The following RGPD3 variants were observed in gnomAD, a reference collection of about 807,000 sequenced individuals.
RGPD3 encodes RANBP2 like and GRIP domain containing 3.
RGPD3 carries 62 observed loss-of-function variants against 154.5 expected under a neutral mutation model. That is an observed-to-expected ratio of 0.40 (90% CI 0.33 to 0.50). The LOEUF is 0.50. Among genes scored for constraint, RGPD3 ranks in the 20% least tolerant of loss-of-function variants. RGPD3 has a pLI of 0.59. For synonymous variants in RGPD3, 308 were observed against 607.0 expected (o/e 0.51, Z 7.24); for missense variants, 919 against 1,716.8 (o/e 0.54, Z 8.21).
At chr2:106,412,909 T>G (rs4271763) in intron 22 of RGPD3, 175 bp downstream of exon 22, 467,266 of 608,964 alleles carry the variant, frequency 0.77, 190,892 homozygotes, top group East Asian at 1. Context: ...ATGTACTACA[T>G]TTGCCTCAAG....
At chr2:106,422,039 T>G (rs985645218) in intron 20 of RGPD3, among the ~76,000 whole-genome samples, 2 of 152,086 alleles carry the variant, frequency 1.3e-5, no homozygotes, top group African/African-American at 4.8e-5. Context: ...TGCTAAAAAC[T>G]GCTGTTATCT....
intron 7 of RGPD3, among the ~76,000 whole-genome samples, chr2:106,441,710 AC>A (rs918805653): frequency 2.0e-5 from 3 of 150,728 alleles, no homozygotes; most frequent in African/African-American, 7.3e-5. Context: ...AAAAAAAAAA[AC>A]AAAGAGCCAG....
At chr2:106,467,704 G>A (rs1261560746) in intron 1 of RGPD3, among the ~76,000 whole-genome samples, 22 of 140,130 alleles carry the variant, frequency 1.6e-4, no homozygotes, top group African/African-American at 4.9e-4. Context: ...GGCAGCCGCC[G>A]GGCCAGGTCG....
In RGPD3 at chr2:106,404,181, T is replaced by G. The variant is rs1310809399; in HGVS notation, c.*1038A>C. Among the ~76,000 whole-genome samples the G allele has an allele frequency of 6.6e-6, 1 of 150,604 alleles. No individual in the cohort carries two copies. Among genetic ancestry groups the G allele is most frequent in the African/African-American group, 2.5e-5 (1 of 40,058 alleles). On this transcript the variant is annotated 3_prime_UTR_variant, in exon 23 of 23. Coordinates refer to ENST00000409886, the MANE Select transcript of RGPD3 (RefSeq NM_001144013.2). ...TGAAAGCACCACTTTTATATTTAGATTCAATGCTGAGTGATATAGTCACTG... is the reference window on the plus strand; with the variant it reads ...TGAAAGCACCACTTTTATATTTAGAGTCAATGCTGAGTGATATAGTCACTG...
In RGPD3 at chr2:106,405,248, A is replaced by T. The variant is rs1676475173; in HGVS notation, c.5267-19T>A. On this transcript the variant is annotated intron_variant, in intron 22 of 22. Transcript: ENST00000409886. ...TCCTCACCTTTGGAAAGTAAAACAA[A>T]AAAAAAGAAAAAAGAGAGTATTAAA... 1 of 1,606,454 alleles carries T rather than the reference A, an allele frequency of 6.2e-7. No homozygotes were observed. Among genetic ancestry groups the T allele is most frequent in the African/African-American group, 1.3e-5 (1 of 74,326 alleles).
intron 1 of RGPD3, among the ~76,000 whole-genome samples, chr2:106,467,619 G>A (rs373989576): frequency 0.11 from 2,719 of 24,200 alleles, 2 homozygotes; most frequent in East Asian, 0.22. Flanking sequence ...CCGCCGGGCC[G>A]GGTCGAGGCA....
chr2:106,423,547 T>A lies in RGPD3; in HGVS notation c.4420A>T (p.Ile1474Leu), dbSNP rs1482300849. The A allele has an allele frequency of 6.9e-7, 1 of 1,457,742 alleles. No individual in the cohort carries two copies. The highest frequency in any genetic ancestry group is 2.3e-5 in the East Asian group (1 of 43,624). 90.3% of individuals were successfully genotyped at this position (1,457,742 alleles called of 1,614,324 possible). A position where few individuals can be genotyped will look rare whatever the true frequency, so the allele number is the denominator to read the frequency against. ...CTTGACCGAGAAACATGAGGTGTTA[T>A]CAAAGAATCTTTTTCCTGGGCTGTT... ...AKTAQEKDSL[I>L]TPHVSRSSTP... Residue 1474 changes from isoleucine to leucine, a missense_variant, in exon 20 of 23, where the codon ATA (isoleucine) becomes TTA (leucine). Transcript: ENST00000409886.
chr2:106,432,923 TA>T lies in RGPD3; in HGVS notation c.2469+11del, dbSNP rs1444895132. On this transcript the variant is annotated intron_variant, in intron 17 of 22. Coordinates refer to ENST00000409886, the MANE Select transcript of RGPD3 (RefSeq NM_001144013.2). ...GAATAAAAAGTACAGCTAGAGAAAT[TA>T]AGTGACTTACCTTAATGGCCTTTAC... 6.3e-7 allele frequency: 1 copy of T among 1,587,284 alleles called. No individual in the cohort carries two copies. The highest frequency in any genetic ancestry group is 8.5e-7 in the Non-Finnish European group (1 of 1,172,846).
chr2:106,440,350 GT>G, intron 8 of RGPD3, among the ~76,000 whole-genome samples: 1 of 149,526 alleles, frequency 6.7e-6, no homozygotes, highest in Non-Finnish European at 1.5e-5. Context: ...ATTAGGTTTG[GT>G]TACCACTACA....
intron 21 of RGPD3, among the ~76,000 whole-genome samples, chr2:106,415,569 T>C (rs963493868): frequency 1.4e-5 from 2 of 143,586 alleles, no homozygotes; most frequent in Non-Finnish European, 3.0e-5. Context: ...CCCAGCTACT[T>C]GGGAGGCTGA....
At chr2:106,461,763 A>G (rs1432265349) in intron 1 of RGPD3, among the ~76,000 whole-genome samples, 1 of 152,134 alleles carries the variant, frequency 6.6e-6, no homozygotes, top group Admixed American at 6.5e-5. Context: ...CTTAAATTAC[A>G]AAACGTTGCT....
chr2:106,415,998 T>C lies in RGPD3; in HGVS notation c.4925-9A>G. 1.2e-6 allele frequency: 2 copies of C among 1,611,618 alleles called. No individual in the cohort carries two copies. The highest frequency in any genetic ancestry group is 8.5e-7 in the Non-Finnish European group (1 of 1,179,752). On this transcript the variant is annotated splice_polypyrimidine_tract_variant and intron_variant, in intron 20 of 22. Transcript: ENST00000409886. ...ATACCATAATGGAGGCTCTGCAACATGTTGTTCCAAGAATTAATTTTCAAA... is the reference window on the plus strand; with the variant it reads ...ATACCATAATGGAGGCTCTGCAACACGTTGTTCCAAGAATTAATTTTCAAA...
Position 106,426,090 on chromosome 2 carries a change from TAAAAA to T in RGPD3, c.2606-7_2606-3del, listed in dbSNP as rs199698831. On this transcript the variant is annotated splice_region_variant and splice_polypyrimidine_tract_variant and intron_variant, in intron 18 of 22. Coordinates refer to ENST00000409886, the MANE Select transcript of RGPD3 (RefSeq NM_001144013.2). ...ATACTGAAGGGCCAGTAGTTGCAAC[TAAAAA>T]AAAAAAAGAAAAGAAAGAAAACACT... 6.9e-7 allele frequency: 1 copy of T among 1,441,090 alleles called. No homozygotes were observed. Among genetic ancestry groups the T allele is most frequent in the East Asian group, 3.0e-5 (1 of 33,286 alleles). 89.3% of individuals were successfully genotyped at this position (1,441,090 alleles called of 1,614,324 possible).
At chr2:106,461,601 A>G (rs1678407437) in intron 1 of RGPD3, among the ~76,000 whole-genome samples, 1 of 151,322 alleles carries the variant, frequency 6.6e-6, no homozygotes, top group African/African-American at 2.4e-5. Flanking sequence ...AAGTAAAACC[A>G]CGTAAGGCAA....
At chr2:106,432,223 C>A (rs1034982174) in intron 17 of RGPD3, among the ~76,000 whole-genome samples, 1 of 148,576 alleles carries the variant, frequency 6.7e-6, no homozygotes, top group Non-Finnish European at 1.5e-5. Context: ...GAGGCCAAGG[C>A]GGGCAGATCG....
At chr2:106,448,912 C>T (rs1477093849) in intron 6 of RGPD3, among the ~76,000 whole-genome samples, 5 of 150,724 alleles carry the variant, frequency 3.3e-5, no homozygotes, top group Admixed American at 1.3e-4. Context: ...GGGATGGTCT[C>T]GATCTCCTGA....
chr2:106,459,065 A>G (rs1678324667), intron 2 of RGPD3, among the ~76,000 whole-genome samples, 200 bp downstream of exon 2: 1 of 147,458 alleles, frequency 6.8e-6, no homozygotes, highest in South Asian at 2.2e-4. Context: ...ATAAAGCAGC[A>G]GCATGCAGAA....
At position 106,424,163 on chromosome 2, in the gene RGPD3, T is replaced by C. The variant is rs1271521157; in HGVS notation, c.3804A>G (p.Val1268=). 1 of 1,611,516 alleles carries C rather than the reference T, an allele frequency of 6.2e-7. No homozygotes were observed. The highest frequency in any genetic ancestry group is 8.5e-7 in the Non-Finnish European group (1 of 1,179,798). Residue 1268 remains valine, a synonymous_variant, in exon 20 of 23, where the codon GTA becomes GTG. Transcript: ENST00000409886. ...GGCTACTTGCCAATGGAGAAGCATG[T>C]ACTGAGCTACTACTGACACTATCAT... ...ALDDSVSSSS[V]HASPLASSPV...
intron 20 of RGPD3, among the ~76,000 whole-genome samples, chr2:106,421,387 A>G (rs1676981688): frequency 6.6e-6 from 1 of 152,038 alleles, no homozygotes; most frequent in African/African-American, 2.4e-5. Flanking sequence ...TTTCTCAAAG[A>G]CCGTATCTTT....
Sources: gnomAD v4.1 joint callset for allele counts (sites outside exome capture counted in the v4.1 genomes callset) on GRCh38, gnomAD v4.1.1 for gene constraint, MANE v1.5 for transcripts, NCBI Gene and HGNC (gene_info 2026-07-23, HGNC 2026-07-21) for gene names.